Variants in RAP1A observed in about 807,000 individuals in gnomAD.
The protein encoded by RAP1A is ras-related protein Rap-1A.
Under a neutral mutation model 26.4 loss-of-function variants are expected in RAP1A, and 6 were observed. That is an observed-to-expected ratio of 0.23 (90% CI 0.12 to 0.45). The LOEUF (loss-of-function observed/expected upper bound fraction) is 0.45, where lower values mean the gene tolerates loss of function less well. Ranked by LOEUF, RAP1A falls within the 20% of genes least tolerant of loss-of-function variation. RAP1A has a pLI of 0.99. For missense variants in RAP1A, 121 were observed against 217.2 expected, an observed-to-expected ratio of 0.56 and a Z score of 2.78; for synonymous variants, 73 against 79.4, an observed-to-expected ratio of 0.92 and a Z score of 0.43.
At chr1:111,696,458 C>T (rs2101262688) in intron 3 of RAP1A, among the ~76,000 whole-genome samples, 1 of 152,248 alleles carries the variant, frequency 6.6e-6, no homozygotes, top group African/African-American at 2.4e-5. Flanking sequence ...ACTGAACATT[C>T]CCAGTTACAA....
intron 1 of RAP1A, chr1:111,563,726 G>C: frequency 1.4e-6 from 1 of 722,288 alleles, no homozygotes; most frequent in East Asian, 2.5e-5. Context: ...TACACGCTAG[G>C]ACAAAGCATT....
At chr1:111,626,585 A>G (rs1027430095) in intron 1 of RAP1A, among the ~76,000 whole-genome samples, 1 of 152,336 alleles carries the variant, frequency 6.6e-6, no homozygotes, top group East Asian at 1.9e-4. Context: ...TGCAAATAGC[A>G]TGCGTAAATG....
chr1:111,589,694 T>A (rs1005473717), intron 1 of RAP1A, among the ~76,000 whole-genome samples: 1 of 152,050 alleles, frequency 6.6e-6, no homozygotes, highest in African/African-American at 2.4e-5. Context: ...TCACATCCAG[T>A]TTTATGTATT....
chr1:111,548,279 C>G (rs1657112780), intron 1 of RAP1A, among the ~76,000 whole-genome samples: 1 of 152,244 alleles, frequency 6.6e-6, no homozygotes, highest in Admixed American at 6.5e-5. Context: ...CCTCGGCCTC[C>G]CAAAGTGCTG....
At chr1:111,582,410 CT>C (rs912009364) in intron 1 of RAP1A, among the ~76,000 whole-genome samples, 9 of 152,178 alleles carry the variant, frequency 5.9e-5, no homozygotes, top group Middle Eastern at 3.2e-3. Context: ...CTGTTTTACA[CT>C]GTTTTTCTTT....
intron 1 of RAP1A, among the ~76,000 whole-genome samples, chr1:111,654,803 T>A (rs1316812602): frequency 6.7e-6 from 1 of 149,906 alleles, no homozygotes; most frequent in African/African-American, 2.5e-5. Context: ...TTTATCTAGT[T>A]GCCTTTACCA....
intron 1 of RAP1A, among the ~76,000 whole-genome samples, chr1:111,630,978 TTA>T (rs1289440615): frequency 6.6e-6 from 1 of 152,172 alleles, no homozygotes; most frequent in Non-Finnish European, 1.5e-5. Flanking sequence ...GGTCCATAAA[TTA>T]TGTTTTTCCC....
intron 1 of RAP1A, among the ~76,000 whole-genome samples, chr1:111,638,534 C>T (rs1308964523): frequency 1.4e-4 from 22 of 152,108 alleles, no homozygotes; most frequent in Non-Finnish European, 5.9e-5. Flanking sequence ...AGGTGATTCC[C>T]CCACCTTAGC....
chr1:111,592,267 T>C (rs935932133), intron 1 of RAP1A, among the ~76,000 whole-genome samples: 1 of 152,046 alleles, frequency 6.6e-6, no homozygotes, highest in South Asian at 2.1e-4. Flanking sequence ...TTAAGGAAAA[T>C]TAATTTCTAA....
chr1:111,649,326 G>T, intron 1 of RAP1A: 1 of 420,176 alleles, frequency 2.4e-6, no homozygotes, highest in Non-Finnish European at 4.6e-6. Flanking sequence ...GGCGTTGCAT[G>T]GTCTCCTCAT....
intron 1 of RAP1A, among the ~76,000 whole-genome samples, chr1:111,678,158 A>T (rs955643108): frequency 6.6e-6 from 1 of 152,230 alleles, no homozygotes; most frequent in Non-Finnish European, 1.5e-5. Context: ...TTATCTTGTC[A>T]GTTTCTACAA....
chr1:111,575,700 C>T (rs1038736875), intron 1 of RAP1A, among the ~76,000 whole-genome samples: 1 of 152,148 alleles, frequency 6.6e-6, no homozygotes, highest in African/African-American at 2.4e-5. Flanking sequence ...TGGCCATCTG[C>T]AAGCCACAGA....
intron 1 of RAP1A, among the ~76,000 whole-genome samples, chr1:111,570,417 A>G (rs1308073944): frequency 6.6e-6 from 1 of 152,078 alleles, no homozygotes; most frequent in African/African-American, 2.4e-5. Flanking sequence ...GTAAGTAACC[A>G]TCTATTATTT....
At chr1:111,654,115 A>G (rs1660375199) in intron 1 of RAP1A, among the ~76,000 whole-genome samples, 1 of 152,188 alleles carries the variant, frequency 6.6e-6, no homozygotes, top group African/African-American at 2.4e-5. Flanking sequence ...CTCAGGCAAG[A>G]ATTTTTTATT....
chr1:111,663,528 C>CTACATAT (rs1660701320), intron 1 of RAP1A, among the ~76,000 whole-genome samples: 3 of 152,176 alleles, frequency 2.0e-5, no homozygotes, highest in Admixed American at 2.0e-4. Context: ...CTCCTAAGTG[C>CTACATAT]TACATATGCA....
chr1:111,623,200 A>G (rs181091119), intron 1 of RAP1A, among the ~76,000 whole-genome samples: 8 of 145,670 alleles, frequency 5.5e-5, no homozygotes, highest in Middle Eastern at 7.1e-3. Context: ...TTTTTTTTTA[A>G]TCGTTAGTAG....
At chr1:111,707,699 T>C (rs547992952) in intron 6 of RAP1A, among the ~76,000 whole-genome samples, 7 of 152,378 alleles carry the variant, frequency 4.6e-5, no homozygotes, top group Admixed American at 3.3e-4. Context: ...TTCTGTGATA[T>C]TTGTTTTTAT....
At chr1:111,561,438 G>C (rs550593493) in intron 1 of RAP1A, among the ~76,000 whole-genome samples, 7 of 152,284 alleles carry the variant, frequency 4.6e-5, no homozygotes, top group African/African-American at 1.7e-4. Context: ...ATTAATTTTA[G>C]ATGGAGGATC....
At chr1:111,696,087 T>G (rs535958604) in intron 3 of RAP1A, among the ~76,000 whole-genome samples, 1 of 152,264 alleles carries the variant, frequency 6.6e-6, no homozygotes, top group East Asian at 1.9e-4. Flanking sequence ...AAAACTGCTC[T>G]AATAAAGTCT....
Sources: gnomAD v4.1 joint callset for allele counts (sites outside exome capture counted in the v4.1 genomes callset) on GRCh38, gnomAD v4.1.1 for gene constraint, MANE v1.5 for transcripts, NCBI Gene and HGNC (gene_info 2026-07-23, HGNC 2026-07-21) for gene names.